SH2D1B: variants seen among roughly 807,000 people sequenced by gnomAD.
The protein encoded by SH2D1B is SH2 domain-containing protein 1B.
A neutral mutation model predicts 16.3 loss-of-function variants in SH2D1B; 11 were observed. The ratio of observed to expected loss-of-function variants is 0.67; its 90% CI spans 0.42 to 1.11. SH2D1B has a LOEUF of 1.11. Among genes scored for constraint, SH2D1B ranks in the 50% most tolerant of loss-of-function variants. The pLI, the probability that SH2D1B is intolerant of heterozygous loss-of-function variation, is 0.00. For missense variants in SH2D1B, 123 were observed against 153.1 expected (o/e 0.80, Z 1.04); for synonymous variants, 55 against 56.1 (o/e 0.98, Z 0.09).
intron 3 of SH2D1B, among the ~76,000 whole-genome samples, chr1:162,397,968 AT>A (rs1021304650): frequency 5.3e-5 from 8 of 152,034 alleles, no homozygotes; most frequent in African/African-American, 1.9e-4. Context: ...ATAGAAAGTG[AT>A]TTTTTTGTGT....
intron 1 of SH2D1B, among the ~76,000 whole-genome samples, chr1:162,411,218 A>T (rs561512328): frequency 3.3e-5 from 5 of 152,282 alleles, no homozygotes; most frequent in Admixed American, 6.5e-5. Context: ...AGCCTCCCAA[A>T]GTGTTGGGAT....
intron 1 of SH2D1B, among the ~76,000 whole-genome samples, chr1:162,406,654 GATC>G (rs1648660300): frequency 6.6e-6 from 1 of 152,040 alleles, no homozygotes; most frequent in Non-Finnish European, 1.5e-5. Flanking sequence ...CAACAAAATG[GATC>G]ATTTCTTTTC....
Position 162,396,997 on chromosome 1 carries a change from G to A in SH2D1B, c.*283C>T, listed in dbSNP as rs1006199267. The stretch of plus-strand genomic sequence containing the variant: ...GAGGGTGTCAACCATGATGTAGGGT[G>A]GTACCTTTAACAAGTCAAAGGGAAA... On this transcript the variant is annotated 3_prime_UTR_variant, in exon 4 of 4. Coordinates refer to ENST00000367929, the MANE Select transcript of SH2D1B (RefSeq NM_053282.5). 1 of 420,864 alleles carries A rather than the reference G, an allele frequency of 2.4e-6. No homozygotes were observed. The highest frequency in any genetic ancestry group is 4.4e-6 in the Non-Finnish European group (1 of 225,618). The allele number at this position is 420,864 out of a possible 1,614,324, so 26.1% of individuals were successfully genotyped here. A position where few individuals can be genotyped will look rare whatever the true frequency, so the allele number is the denominator to read the frequency against.
chr1:162,405,686 C>T (rs1375948379), intron 1 of SH2D1B, among the ~76,000 whole-genome samples: 1 of 152,040 alleles, frequency 6.6e-6, no homozygotes, highest in Non-Finnish European at 1.5e-5. Context: ...AAATCGTTGT[C>T]GTCATTTATG....
In SH2D1B at chr1:162,396,420, A is replaced by C. The variant is rs1648378331; in HGVS notation, c.*860T>G. The C allele has an allele frequency of 6.6e-6, 1 of 152,204 alleles. No individual in the cohort carries two copies. The highest frequency in any genetic ancestry group is 1.5e-5 in the Non-Finnish European group (1 of 68,038). 9.4% of individuals were successfully genotyped at this position (152,204 alleles called of 1,614,324 possible). ...ACTAGGCACAGCTCTGGGCAGCACA[A>C]ATTTCTACACACTGTGGAAGATACA... On this transcript the variant is annotated 3_prime_UTR_variant, in exon 4 of 4. Transcript: ENST00000367929.
chr1:162,397,045 A>C lies in SH2D1B; in HGVS notation c.*235T>G. ...AAAATGTTCAGGCTGTCCCATTCCA[A>C]GAAAGAAGAGTGAAACTGGAGAGGG... On this transcript the variant is annotated 3_prime_UTR_variant, in exon 4 of 4. Transcript: ENST00000367929. The C allele has an allele frequency of 1.9e-6, 1 of 525,818 alleles. No homozygotes were observed. Among genetic ancestry groups the C allele is most frequent in the East Asian group, 3.3e-5 (1 of 30,584 alleles). 32.6% of individuals were successfully genotyped at this position (525,818 alleles called of 1,614,324 possible).
chr1:162,402,769 G>T lies in SH2D1B; in HGVS notation c.168C>A (p.Phe56Leu). 6.2e-7 allele frequency: 1 copy of T among 1,613,892 alleles called. No individual in the cohort carries two copies. The highest frequency in any genetic ancestry group is 8.5e-7 in the Non-Finnish European group (1 of 1,179,832). Residue 56 changes from phenylalanine (F) to leucine (L), a missense_variant, in exon 2 of 4, where the codon TTC becomes TTA. Phe to Leu is a conservative substitution (Grantham distance 22). Coordinates refer to ENST00000367929, the MANE Select transcript of SH2D1B (RefSeq NM_053282.5). ...FKNIVYTYRI[F>L]REKHGYYRIQ... ...TCCTGTAATACCCGTGTTTCTCTCT[G>T]AAGATTCGGTATGTGTAGACAATAT...
chr1:162,404,808 T>C (rs147192214), intron 1 of SH2D1B, among the ~76,000 whole-genome samples: 3 of 152,330 alleles, frequency 2.0e-5, no homozygotes, highest in Admixed American at 1.3e-4. Flanking sequence ...CACATGTTGG[T>C]AAGGATGTAG....
Position 162,396,125 on chromosome 1 carries a change from CCA to C in SH2D1B, c.*1153_*1154del, listed in dbSNP as rs1446486289. 1 of 152,184 alleles carries C rather than the reference CCA, an allele frequency of 6.6e-6. No individual in the cohort carries two copies. Among genetic ancestry groups the C allele is most frequent in the Non-Finnish European group, 1.5e-5 (1 of 68,030 alleles). 9.4% of individuals were successfully genotyped at this position (152,184 alleles called of 1,614,324 possible). On this transcript the variant is annotated 3_prime_UTR_variant, in exon 4 of 4. Coordinates refer to ENST00000367929, the MANE Select transcript of SH2D1B (RefSeq NM_053282.5). ...AATGCTCCACACTTTGGGGCTCCAG[CCA>C]CAGTGTCTGTTCATCTGTTCATATT...
At chr1:162,402,327 A>G (rs978877379) in intron 2 of SH2D1B, 1 of 155,592 alleles carries the variant, frequency 6.4e-6, no homozygotes, top group African/African-American at 2.4e-5. Context: ...CCTGTCTAAC[A>G]CGGCGAAAAC....
intron 1 of SH2D1B, among the ~76,000 whole-genome samples, chr1:162,411,388 C>CT (rs982414424): frequency 3.0e-4 from 45 of 152,270 alleles, no homozygotes; most frequent in African/African-American, 1.1e-3. Flanking sequence ...TGATAGACTA[C>CT]TAGGATGAAA....
intron 2 of SH2D1B, among the ~76,000 whole-genome samples, chr1:162,400,286 C>CTTTTTTTTTTTTTTT (rs1241054289): frequency 1.2e-5 from 1 of 83,288 alleles, no homozygotes; most frequent in Admixed American, 1.8e-4. Context: ...ACACCACGTA[C>CTTTTTTTTTTTTTTT]TTTTTTTTTT....
At chr1:162,397,449 C>A (rs1557909229) in intron 3 of SH2D1B, 134 bp from the exon 4 acceptor site, 4 of 847,240 alleles carry the variant, frequency 4.7e-6, no homozygotes, top group Non-Finnish European at 7.5e-6. Context: ...AAAGTTGTAT[C>A]TTTAAAGGCT....
At chr1:162,403,511 A>AAAAAAAAAAAT (rs1648579325) in intron 1 of SH2D1B, among the ~76,000 whole-genome samples, 5 of 42,038 alleles carry the variant, frequency 1.2e-4, no homozygotes, top group African/African-American at 3.2e-4. Flanking sequence ...AAAAAAAAAA[A>AAAAAAAAAAAT]ATATATATAT....
intron 1 of SH2D1B, among the ~76,000 whole-genome samples, chr1:162,404,473 C>A (rs1217770811): frequency 6.6e-6 from 1 of 152,034 alleles, no homozygotes; most frequent in African/African-American, 2.4e-5. Context: ...AGTCATTCCA[C>A]AACGTATATA....
At chr1:162,407,941 G>C (rs1052779054) in intron 1 of SH2D1B, among the ~76,000 whole-genome samples, 3 of 152,192 alleles carry the variant, frequency 2.0e-5, no homozygotes, top group African/African-American at 4.8e-5. Context: ...ATGAATGAAG[G>C]TTCCACTTAT....
intron 2 of SH2D1B, among the ~76,000 whole-genome samples, chr1:162,401,228 A>C (rs1648509412): frequency 6.6e-6 from 1 of 152,200 alleles, no homozygotes; most frequent in Non-Finnish European, 1.5e-5. Flanking sequence ...TTTGTGTCTG[A>C]GTTACAAATG....
chr1:162,398,796 A>C, intron 3 of SH2D1B, 127 bp downstream of exon 3: 1 of 1,141,550 alleles, frequency 8.8e-7, no homozygotes, highest in Non-Finnish European at 1.2e-6. Flanking sequence ...AATTGCTCTT[A>C]GTAGGATGAA....
chr1:162,395,944 G>T lies in SH2D1B; in HGVS notation c.*1336C>A, dbSNP rs1469273553. On this transcript the variant is annotated 3_prime_UTR_variant, in exon 4 of 4. Transcript: ENST00000367929. ...AGTTCATTAAAAATTCCAAAAAGAG[G>T]TTTTAAGCAATTTCACGTATTTATT... 6.6e-6 allele frequency: 1 copy of T among 152,136 alleles called. No homozygotes were observed. Among genetic ancestry groups the T allele is most frequent in the Non-Finnish European group, 1.5e-5 (1 of 68,030 alleles). 9.4% of individuals were successfully genotyped at this position (152,136 alleles called of 1,614,324 possible).
Sources: allele counts gnomAD v4.1 joint callset (sites outside exome capture counted in the v4.1 genomes callset), GRCh38; gene constraint gnomAD v4.1.1; transcripts MANE v1.5; gene names NCBI Gene and HGNC (gene_info 2026-07-23, HGNC 2026-07-21).